CHST8: variants seen among roughly 807,000 people sequenced by gnomAD.
The protein encoded by CHST8 is GALNAC-4-ST1.
In CHST8, 10 loss-of-function variants were observed where a neutral mutation model predicts 15.0. The ratio of observed to expected loss-of-function variants is 0.67; its 90% CI spans 0.41 to 1.13. CHST8 has a LOEUF of 1.13. Among genes scored for constraint, CHST8 ranks in the 50% most tolerant of loss-of-function variants. The pLI is 0.00. For synonymous variants in CHST8, 259 were observed against 256.6 expected, an observed-to-expected ratio of 1.01 and a Z score of -0.09; for missense variants, 634 against 608.2, an observed-to-expected ratio of 1.04 and a Z score of -0.45.
At chr19:33,661,859 C>G (rs1972589247) in intron 1 of CHST8, among the ~76,000 whole-genome samples, 1 of 121,006 alleles carries the variant, frequency 8.3e-6, no homozygotes, top group Admixed American at 9.5e-5. Context: ...AGGGAGATTT[C>G]ATCTTTACAA....
chr19:33,665,511 A>G lies in CHST8; in HGVS notation c.-163-2256A>G, dbSNP rs148088681. ...TGGTCCATGGGCCACAGTTTGCCGA[A>G]CACTGGTTTAATGGATTGCAAGACA... On this transcript the variant is annotated intron_variant, in intron 1 of 4. Transcript: ENST00000650847. Among the ~76,000 whole-genome samples, 247 of 152,302 alleles carry G rather than the reference A, an allele frequency of 1.6e-3. 1 individual carries two copies. Among genetic ancestry groups the G allele is most frequent in the African/African-American group, 5.6e-3 (233 of 41,562 alleles).
chr19:33,628,076 A>G (rs1004069514), intron 1 of CHST8, among the ~76,000 whole-genome samples: 1 of 152,152 alleles, frequency 6.6e-6, no homozygotes, highest in Admixed American at 6.5e-5. Context: ...GACTTCTCGG[A>G]GGAGGTGGCC....
chr19:33,706,616 C>T (rs537954854), intron 3 of CHST8, among the ~76,000 whole-genome samples: 86 of 152,278 alleles, frequency 5.6e-4, no homozygotes, highest in African/African-American at 1.9e-3. Context: ...GACAAATTGC[C>T]ATTCCAGCAG....
At chr19:33,729,673 A>G (rs1205254991) in intron 3 of CHST8, among the ~76,000 whole-genome samples, 1 of 152,170 alleles carries the variant, frequency 6.6e-6, no homozygotes, top group African/African-American at 2.4e-5. Flanking sequence ...AAGTCAATAC[A>G]CCCAAACCTG....
intron 3 of CHST8, among the ~76,000 whole-genome samples, chr19:33,737,127 GA>G (rs2145334352): frequency 6.6e-6 from 1 of 152,260 alleles, no homozygotes; most frequent in East Asian, 1.9e-4. Flanking sequence ...CTCCTTTCCA[GA>G]AAAACTCATT....
intron 1 of CHST8, among the ~76,000 whole-genome samples, chr19:33,657,119 G>C (rs1972517683): frequency 7.9e-6 from 1 of 126,934 alleles, no homozygotes; most frequent in Non-Finnish European, 1.7e-5. Context: ...GCCACTTTTT[G>C]CTTTATTACA....
At chr19:33,649,839 AG>A (rs1229118310) in intron 1 of CHST8, among the ~76,000 whole-genome samples, 1 of 152,130 alleles carries the variant, frequency 6.6e-6, no homozygotes, top group Non-Finnish European at 1.5e-5. Context: ...TCAGAGGGGT[AG>A]GGGGTCAGTT....
chr19:33,689,476 G>A (rs1973055727), intron 3 of CHST8, 85 bp downstream of exon 3: 7 of 1,406,444 alleles, frequency 5.0e-6, no homozygotes, highest in Non-Finnish European at 6.5e-6. Context: ...CTGGTGTGCT[G>A]GGCTTGGGGG....
chr19:33,650,191 T>A (rs56092614), intron 1 of CHST8, among the ~76,000 whole-genome samples: 31,961 of 151,804 alleles, frequency 0.21, 4,792 homozygotes, highest in African/African-American at 0.42. Flanking sequence ...TAACGGTGGT[T>A]AGCAAGGGAG....
chr19:33,738,569 G>C (rs985664692), intron 3 of CHST8, among the ~76,000 whole-genome samples: 2 of 152,040 alleles, frequency 1.3e-5, no homozygotes, highest in Non-Finnish European at 2.9e-5. Flanking sequence ...TTGACATCTG[G>C]AGAGAGAGAG....
intron 3 of CHST8, among the ~76,000 whole-genome samples, chr19:33,762,035 C>T (rs1273176167): frequency 6.6e-6 from 1 of 152,240 alleles, no homozygotes; most frequent in Non-Finnish European, 1.5e-5. Flanking sequence ...CAAATGTGTG[C>T]TGTGGTGCAT....
At chr19:33,716,319 G>C (rs966183028) in intron 3 of CHST8, among the ~76,000 whole-genome samples, 7 of 152,106 alleles carry the variant, frequency 4.6e-5, no homozygotes. Flanking sequence ...TGCTTGATGA[G>C]CCCTAGTTAC....
At chr19:33,741,193 C>T (rs1974183907) in intron 3 of CHST8, among the ~76,000 whole-genome samples, 1 of 152,168 alleles carries the variant, frequency 6.6e-6, no homozygotes, top group Non-Finnish European at 1.5e-5. Flanking sequence ...CATGGTCCTG[C>T]TTGTATTGAC....
At chr19:33,633,923 CAAGT>C (rs1168539957) in intron 1 of CHST8, among the ~76,000 whole-genome samples, 2 of 151,964 alleles carry the variant, frequency 1.3e-5, no homozygotes, top group Non-Finnish European at 2.9e-5. Flanking sequence ...TTCAGCCTCC[CAAGT>C]AACTGGGACC....
At chr19:33,756,244 C>T (rs1974544368) in intron 3 of CHST8, among the ~76,000 whole-genome samples, 1 of 152,226 alleles carries the variant, frequency 6.6e-6, no homozygotes, top group African/African-American at 2.4e-5. Context: ...TTTACATCTA[C>T]TTAATATTCT....
chr19:33,757,044 G>A (rs1174524362), intron 3 of CHST8, among the ~76,000 whole-genome samples: 1 of 152,146 alleles, frequency 6.6e-6, no homozygotes, highest in East Asian at 1.9e-4. Context: ...CAGCCCACAT[G>A]GCCCTGTGGG....
intron 3 of CHST8, among the ~76,000 whole-genome samples, chr19:33,706,339 C>T (rs1305557390): frequency 6.6e-6 from 1 of 152,156 alleles, no homozygotes; most frequent in African/African-American, 2.4e-5. Flanking sequence ...GTCAGGTGCC[C>T]ATGTGTGTGC....
intron 1 of CHST8, among the ~76,000 whole-genome samples, chr19:33,631,553 T>C (rs1471696537): frequency 6.6e-6 from 1 of 152,218 alleles, no homozygotes; most frequent in East Asian, 1.9e-4. Flanking sequence ...ACCACCTTGG[T>C]GTGCGTGGTA....
chr19:33,691,248 G>A (rs989810306), intron 3 of CHST8, among the ~76,000 whole-genome samples: 3 of 152,190 alleles, frequency 2.0e-5, no homozygotes, highest in Non-Finnish European at 4.4e-5. Context: ...TCCTCAGGCT[G>A]GCAGGGGATG....
Sources: allele counts gnomAD v4.1 joint callset (sites outside exome capture counted in the v4.1 genomes callset), GRCh38; gene constraint gnomAD v4.1.1; transcripts MANE v1.5; gene names NCBI Gene and HGNC (gene_info 2026-07-23, HGNC 2026-07-21).